Variants in ANO1 observed in about 807,000 individuals in gnomAD.
ANO1 encodes anoctamin 1.
In ANO1, 59 loss-of-function variants were observed where a neutral mutation model predicts 124.0. The observed-to-expected ratio is 0.48, with a 90% CI of 0.39 to 0.59. ANO1 has a LOEUF of 0.59. Ranked by LOEUF, ANO1 falls within the 20% of genes least tolerant of loss-of-function variation. The pLI is 0.00. For synonymous variants in ANO1, 529 were observed against 532.0 expected, an observed-to-expected ratio of 0.99 and a Z score of 0.08; for missense variants, 1,059 against 1,328.0, an observed-to-expected ratio of 0.80 and a Z score of 3.15.
chr11:70,095,174 T>C (rs1182559917), intron 2 of ANO1, among the ~76,000 whole-genome samples: 2 of 145,110 alleles, frequency 1.4e-5, no homozygotes, highest in East Asian at 4.0e-4. Flanking sequence ...CCACCACACT[T>C]CAGCCTGGTT....
chr11:70,072,106 A>G (rs954597758), intron 1 of ANO1, among the ~76,000 whole-genome samples: 18 of 152,190 alleles, frequency 1.2e-4, no homozygotes, highest in African/African-American at 4.3e-4. Context: ...ACGTTGCATC[A>G]GGAGGACGAG....
intron 15 of ANO1, among the ~76,000 whole-genome samples, chr11:70,156,457 G>A (rs1193300818): frequency 6.6e-6 from 1 of 152,178 alleles, no homozygotes; most frequent in Non-Finnish European, 1.5e-5. Flanking sequence ...GAGCCTTCAG[G>A]ACATGTGTCA....
intron 2 of ANO1, among the ~76,000 whole-genome samples, chr11:70,096,084 G>A (rs767560447): frequency 3.3e-5 from 5 of 152,170 alleles, no homozygotes; most frequent in Admixed American, 6.5e-5. Context: ...TTCTCCTCCC[G>A]GGGCTGTCTC....
intron 5 of ANO1, among the ~76,000 whole-genome samples, chr11:70,107,668 G>T (rs75959241): frequency 6.6e-6 from 1 of 152,190 alleles, no homozygotes; most frequent in Non-Finnish European, 1.5e-5. Context: ...TGGTGATGTC[G>T]CTGGTCCAAA....
In ANO1 at chr11:70,108,380, T is replaced by A. The variant is rs776837992; in HGVS notation, c.775T>A (p.Cys259Ser). 1 of 1,612,776 alleles carries A rather than the reference T, an allele frequency of 6.2e-7. No homozygotes were observed. Among genetic ancestry groups the A allele is most frequent in the Non-Finnish European group, 8.5e-7 (1 of 1,179,010 alleles). Residue 259 changes from cysteine to serine, a missense_variant, in exon 6 of 26, where the codon TGT becomes AGT. Around this residue, in one of 2 missense-constraint regions of ANO1, gnomAD observed 809 missense variants for 1,094.9 expected, o/e 0.74. Transcript: ENST00000355303. ...CTATGAGATCTTGAAGAGAACGACGTGTACAAAGGCCAAGTACAGCATGGG... is the reference window on the plus strand; with the variant it reads ...CTATGAGATCTTGAAGAGAACGACGAGTACAAAGGCCAAGTACAGCATGGG... ...IVYEILKRTTCTKAKYSMGIT... is the reference protein window; with the variant it reads ...IVYEILKRTTSTKAKYSMGIT...
chr11:70,084,070 G>T (rs778327598), intron 1 of ANO1, among the ~76,000 whole-genome samples: 1 of 152,130 alleles, frequency 6.6e-6, no homozygotes, highest in Non-Finnish European at 1.5e-5. Flanking sequence ...GGAAGGCCTG[G>T]GGGAGGGGGA....
chr11:70,073,537 G>A (rs2044012103), upstream of ANO1, among the ~76,000 whole-genome samples: 1 of 152,108 alleles, frequency 6.6e-6, no homozygotes, highest in Non-Finnish European at 1.5e-5. Context: ...AGGATGGGAA[G>A]GAGAGTAAAG....
Position 70,153,107 on chromosome 11 carries a change from G to C in ANO1, c.1404G>C (p.Lys468Asn). The C allele has an allele frequency of 6.2e-7, 1 of 1,606,684 alleles. No individual in the cohort carries two copies. Among genetic ancestry groups the C allele is most frequent in the South Asian group, 1.1e-5 (1 of 89,108 alleles). ...YEARVLEKSLKKESRNKEKRR... is the reference protein window; with the variant it reads ...YEARVLEKSLNKESRNKEKRR... ...CCAGAGTCTTGGAGAAGTCTCTGAA[G>C]AAAGAGTCCAGAAACAAAGAGGTAT... The change falls in exon 14 of 26, where the codon AAG becomes AAC. Residue 468 changes from lysine to asparagine, a missense_variant. Physicochemically the swap from Lys to Asn is moderately conservative, Grantham distance 94. Around this residue, in one of 2 missense-constraint regions of ANO1, gnomAD observed 809 missense variants for 1,094.9 expected, o/e 0.74. Transcript: ENST00000355303.
intron 1 of ANO1, chr11:70,063,871 C>T (rs1555008130): frequency 6.6e-6 from 1 of 152,310 alleles, no homozygotes; most frequent in East Asian, 1.9e-4. Context: ...ACTTTTCTTT[C>T]TTTTATTTTC....
intron 7 of ANO1, among the ~76,000 whole-genome samples, chr11:70,116,133 A>C (rs541374793): frequency 6.6e-5 from 10 of 152,254 alleles, no homozygotes; most frequent in African/African-American, 2.4e-4. Flanking sequence ...TGCCTCCAAA[A>C]GCCCCCTTTC....
intron 6 of ANO1, among the ~76,000 whole-genome samples, chr11:70,110,628 G>C (rs987248550): frequency 9.9e-5 from 15 of 152,240 alleles, no homozygotes; most frequent in African/African-American, 3.1e-4. Flanking sequence ...TTTTCAAGGG[G>C]ATTTCGGGAG....
intron 1 of ANO1, among the ~76,000 whole-genome samples, chr11:70,015,988 CT>C (rs781871193): frequency 1.2e-4 from 19 of 152,032 alleles, no homozygotes; most frequent in Non-Finnish European, 2.4e-4. Context: ...AGACGATGAA[CT>C]GCTTGGCTTC....
intron 2 of ANO1, among the ~76,000 whole-genome samples, chr11:70,098,119 C>T (rs1281734326): frequency 6.6e-6 from 1 of 152,250 alleles, no homozygotes; most frequent in Non-Finnish European, 1.5e-5. Context: ...GAGGATTAGA[C>T]CACAGCAGCC....
At chr11:70,178,166 C>T (rs887620962) in intron 22 of ANO1, among the ~76,000 whole-genome samples, 1 of 152,252 alleles carries the variant, frequency 6.6e-6, no homozygotes, top group African/African-American at 2.4e-5. Flanking sequence ...AGCACCCTGC[C>T]TTAGGAGCTC....
chr11:70,004,917 A>G (rs1332479013), intron 1 of ANO1, among the ~76,000 whole-genome samples: 8 of 152,156 alleles, frequency 5.3e-5, no homozygotes, highest in African/African-American at 1.9e-4. Flanking sequence ...GTTCGAGACC[A>G]GCCTGGCCAA....
At chr11:70,108,434 CAT>C in intron 6 of ANO1, 30 bp downstream of exon 6, 1 of 1,606,050 alleles carries the variant, frequency 6.2e-7, no homozygotes, top group Non-Finnish European at 8.5e-7. Context: ...TTGAGATCAG[CAT>C]TGGTTTCCAA....
At chr11:70,133,718 C>G (rs2046849181) in intron 11 of ANO1, among the ~76,000 whole-genome samples, 1 of 152,254 alleles carries the variant, frequency 6.6e-6, no homozygotes, top group Non-Finnish European at 1.5e-5. Context: ...AGGAAGCCGA[C>G]AGGCTCAGGT....
intron 11 of ANO1, among the ~76,000 whole-genome samples, chr11:70,136,322 G>C (rs570610006): frequency 2.6e-5 from 4 of 152,270 alleles, no homozygotes; most frequent in East Asian, 1.9e-4. Flanking sequence ...GCAGGAACCC[G>C]CACCAGTCAA....
intron 2 of ANO1, among the ~76,000 whole-genome samples, chr11:70,095,355 AAAG>A (rs1190874770): frequency 9.3e-5 from 1 of 10,698 alleles, no homozygotes; most frequent in Non-Finnish European, 2.0e-4. Context: ...AAAAAGAAAG[AAAG>A]AAAGAAAGAA....
Sources: allele counts gnomAD v4.1 joint callset (sites outside exome capture counted in the v4.1 genomes callset), GRCh38; gene constraint gnomAD v4.1.1; regional missense constraint gnomAD v4.1.1; transcripts MANE v1.5; gene names NCBI Gene and HGNC (gene_info 2026-07-23, HGNC 2026-07-21).